Variants in TRIM37 observed in about 807,000 individuals in gnomAD.
TRIM37 encodes the protein E3 ubiquitin-protein ligase TRIM37.
Under a neutral mutation model 129.8 loss-of-function variants are expected in TRIM37, and 80 were observed. That is an observed-to-expected ratio of 0.62 (90% confidence interval 0.51 to 0.74). The LOEUF (loss-of-function observed/expected upper bound fraction) is 0.74. Among genes scored for constraint, TRIM37 ranks in the 30% least tolerant of loss-of-function variants. The pLI is 0.00. For missense variants in TRIM37, 1,054 were observed against 1,176.5 expected (o/e 0.90, Z 1.52); for synonymous variants, 389 against 387.1 (o/e 1.00, Z -0.06).
chr17:59,083,402 C>T (rs1020871253), intron 5 of TRIM37, among the ~76,000 whole-genome samples: 11 of 150,972 alleles, frequency 7.3e-5, no homozygotes, highest in Non-Finnish European at 1.5e-4. Flanking sequence ...CCCACCATTG[C>T]ACTCCAGCCT....
chr17:58,979,344 G>A (rs2031227616), downstream of TRIM37, among the ~76,000 whole-genome samples: 1 of 152,172 alleles, frequency 6.6e-6, no homozygotes, highest in East Asian at 1.9e-4. Context: ...CAAGAAAACT[G>A]CATTCAGCTC....
chr17:59,036,990 C>T (rs2038590348), intron 17 of TRIM37, among the ~76,000 whole-genome samples: 1 of 151,808 alleles, frequency 6.6e-6, no homozygotes, highest in South Asian at 2.1e-4. Flanking sequence ...TGGTGCATGC[C>T]TGTAGTCCCA....
chr17:59,104,458 G>T (rs1353867578), intron 1 of TRIM37, 64 bp from the exon 2 acceptor site: 3 of 1,372,106 alleles, frequency 2.2e-6, no homozygotes, highest in Non-Finnish European at 3.1e-6. Context: ...TAAAAGGCAA[G>T]CTCAAAACAA....
intron 10 of TRIM37, among the ~76,000 whole-genome samples, chr17:59,063,935 C>T (rs758395777): frequency 6.6e-6 from 1 of 152,092 alleles, no homozygotes; most frequent in African/African-American, 2.4e-5. Flanking sequence ...GGGAGAATTA[C>T]TGGAGCCCAG....
At chr17:59,044,296 C>T (rs2039547495) in intron 16 of TRIM37, among the ~76,000 whole-genome samples, 1 of 151,848 alleles carries the variant, frequency 6.6e-6, no homozygotes, top group African/African-American at 2.4e-5. Context: ...GGTGACAGGG[C>T]AAGACCCCGT....
chr17:59,106,528 G>A lies in TRIM37; in HGVS notation c.-67C>T. 1 of 1,593,258 alleles carries A rather than the reference G, an allele frequency of 6.3e-7. No individual in the cohort carries two copies. The highest frequency in any genetic ancestry group is 2.3e-5 in the East Asian group (1 of 44,102). On this transcript the variant is annotated 5_prime_UTR_variant, in exon 1 of 24. Coordinates refer to ENST00000262294, the MANE Select transcript of TRIM37 (RefSeq NM_015294.6). ...CCGCAGTCTGACCTCTTAGGCGCCG[G>A]CCCGAGGTCGCCAGATCAAATCGCC...
intron 17 of TRIM37, among the ~76,000 whole-genome samples, chr17:59,040,448 A>G (rs1295670467): frequency 6.6e-6 from 1 of 152,158 alleles, no homozygotes; most frequent in Non-Finnish European, 1.5e-5. Context: ...AGGAAGAAGT[A>G]AAGAATGTAT....
At chr17:58,984,152 G>A (rs1200629576) in intron 24 of TRIM37, 1 of 152,570 alleles carries the variant, frequency 6.6e-6, no homozygotes, top group African/African-American at 2.4e-5. Flanking sequence ...AGTTACTGTT[G>A]CATTTAGGAG....
intron 22 of TRIM37, among the ~76,000 whole-genome samples, chr17:59,007,642 T>C (rs866196769): frequency 2.1e-5 from 3 of 143,904 alleles, no homozygotes; most frequent in Non-Finnish European, 4.6e-5. Flanking sequence ...AGGTCATCAA[T>C]TGAAAGAAAA....
chr17:59,064,230 T>G, intron 10 of TRIM37, 125 bp downstream of exon 10: 2 of 747,988 alleles, frequency 2.7e-6, no homozygotes, highest in Non-Finnish European at 2.2e-6. Context: ...AATAGGAAAC[T>G]TATTCTTCTA....
chr17:58,992,275 ATATATT>A (rs1440675504), intron 24 of TRIM37, among the ~76,000 whole-genome samples: 12 of 143,344 alleles, frequency 8.4e-5, no homozygotes, highest in African/African-American at 2.1e-4. Flanking sequence ...ATAAATATAT[ATATATT>A]TATATTTATA....
chr17:59,072,966 T>C (rs1349489181), intron 8 of TRIM37: 3 of 152,184 alleles, frequency 2.0e-5, no homozygotes, highest in Non-Finnish European at 4.4e-5. Flanking sequence ...ACAATTTATA[T>C]AAAATGATCT....
chr17:59,012,476 C>T (rs1255101968), intron 21 of TRIM37, 30 bp from the exon 22 acceptor site: 1 of 1,375,906 alleles, frequency 7.3e-7, no homozygotes, highest in East Asian at 2.3e-5. Context: ...TGATATTTCT[C>T]TATAACTAGT....
In TRIM37 at chr17:59,036,330, A is replaced by C. The variant is rs143270054; in HGVS notation, c.1754-4240T>G. ...TTATTCAGTTATTTGAAGTTAAATG[A>C]AAGACAATTTATGTTAAAAAAAATT... On this transcript the variant is annotated intron_variant, in intron 17 of 23. Transcript: ENST00000262294. 3.3e-5 allele frequency among the ~76,000 whole-genome samples: 5 copies of C among 152,296 alleles called. No individual in the cohort carries two copies. The East Asian group carries it at 5.8e-4, about 18-fold the overall frequency.
At chr17:59,041,930 G>C (rs983951035) in intron 16 of TRIM37, 32 bp from the exon 17 acceptor site, 2 of 1,507,306 alleles carry the variant, frequency 1.3e-6, no homozygotes, top group South Asian at 1.1e-5. Flanking sequence ...CATTTATATA[G>C]AGTGATACAA....
At chr17:58,972,702 A>C in the TRIM37 span, 1 of 816,820 alleles carries the variant, frequency 1.2e-6, no homozygotes, top group Non-Finnish European at 2.0e-6. Flanking sequence ...AACTGTGCCC[A>C]CCCTCCAATG....
At chr17:58,973,414 CAAA>C in the TRIM37 span, among the ~76,000 whole-genome samples, 10 of 117,770 alleles carry the variant, frequency 8.5e-5, no homozygotes, top group Non-Finnish European at 1.1e-4. Context: ...GAGACTGTCT[CAAA>C]AAAAAAAAAA....
At position 59,081,944 on chromosome 17, in the gene TRIM37, AAAAAAAAAT is replaced by A. The variant is rs1366883792; in HGVS notation, c.370-734_370-726del. ...TTTTTTAATAATAAAAACCAAAAAA[AAAAAAAAAT>A]AAAAAAAAAAAAATAATAATAATAA... On this transcript the variant is annotated intron_variant, in intron 5 of 23. Coordinates refer to ENST00000262294, the MANE Select transcript of TRIM37 (RefSeq NM_015294.6). 1.4e-3 allele frequency among the ~76,000 whole-genome samples: 165 copies of A among 119,734 alleles called. 1 individual carries two copies. The highest frequency in any genetic ancestry group is 5.7e-3 in the African/African-American group (156 of 27,510). 78.6% of individuals were successfully genotyped at this position (119,734 alleles called of 152,430 possible).
Position 59,066,502 on chromosome 17 carries a change from A to G in TRIM37, c.810-2097T>C, listed in dbSNP as rs139834391. On this transcript the variant is annotated intron_variant, in intron 9 of 23. Coordinates refer to ENST00000262294, the MANE Select transcript of TRIM37 (RefSeq NM_015294.6). Reference sequence around the variant, plus strand: ...GTCAAAAGACTTCAGCAGAACCCAAATTAAACAACAAGAGATGCCATTTTC... The same window carrying G: ...GTCAAAAGACTTCAGCAGAACCCAAGTTAAACAACAAGAGATGCCATTTTC... Among the ~76,000 whole-genome samples, 60 of 152,336 alleles carry G rather than the reference A, an allele frequency of 3.9e-4. No individual in the cohort carries two copies. In the East Asian group the frequency reaches 8.9e-3, roughly 23 times the overall value.
Sources: gnomAD v4.1 joint callset for allele counts (sites outside exome capture counted in the v4.1 genomes callset) on GRCh38, gnomAD v4.1.1 for gene constraint, MANE v1.5 for transcripts, NCBI Gene and HGNC (gene_info 2026-07-23, HGNC 2026-07-21) for gene names.